METTL18: variants seen among roughly 807,000 people sequenced by gnomAD.
The protein encoded by METTL18 is methyltransferase 18, RPL3 N3(tau)-histidine, also known as histidine protein methyltransferase 1 homolog.
METTL18 carries 15 observed loss-of-function variants against 19.6 expected under a neutral mutation model. The ratio of observed to expected loss-of-function variants is 0.77; its 90% CI spans 0.51 to 1.18. The LOEUF (loss-of-function observed/expected upper bound fraction) is 1.18. METTL18 is among the 50% of genes most tolerant of loss of function. The pLI, the probability that METTL18 is intolerant of heterozygous loss-of-function variation, is 0.00. For synonymous variants in METTL18, 131 were observed against 145.2 expected (o/e 0.90, Z 0.70); for missense variants, 392 against 418.8 (o/e 0.94, Z 0.56).
Position 169,792,543 on chromosome 1 carries a change from G to A in METTL18, c.*34C>T, listed in dbSNP as rs890038210. The A allele has an allele frequency of 4.1e-6, 6 of 1,472,190 alleles. No individual in the cohort carries two copies. Among genetic ancestry groups the A allele is most frequent in the South Asian group, 1.5e-5 (1 of 66,082 alleles). 91.2% of individuals were successfully genotyped at this position (1,472,190 alleles called of 1,614,324 possible). A position where few individuals can be genotyped will look rare whatever the true frequency, so the allele number is the denominator to read the frequency against. ...AAACACTCAAATTTTTGGTCCTTCTGTTTATTTCATTTTGGATACTCAGTG... is the reference window on the plus strand; with the variant it reads ...AAACACTCAAATTTTTGGTCCTTCTATTTATTTCATTTTGGATACTCAGTG... On this transcript the variant is annotated 3_prime_UTR_variant, in exon 2 of 2. Transcript: ENST00000310392.
Position 169,792,748 on chromosome 1 carries a change from A to C in METTL18, c.948T>G (p.Asn316Lys). The C allele has an allele frequency of 6.2e-7, 1 of 1,613,790 alleles. No individual in the cohort carries two copies. Among genetic ancestry groups the C allele is most frequent in the Non-Finnish European group, 8.5e-7 (1 of 1,179,924 alleles). ...HQTFLRLLSK[N>K]GRVLLASKAH... ...CTTTGCTGGCCAAAAGTACACGTCC[A>C]TTTTTACTTAACAGTCTAAGGAAAG... The change falls in exon 2 of 2, where the codon AAT (asparagine) becomes AAG (lysine). Residue 316 changes from asparagine (N) to lysine (K), a missense_variant. Physicochemically the swap from Asn to Lys is moderately conservative, Grantham distance 94. Transcript: ENST00000310392.
Position 169,793,638 on chromosome 1 carries a change from T to A in METTL18, c.58A>T (p.Ile20Phe), listed in dbSNP as rs749673109. The A allele has an allele frequency of 1.2e-6, 2 of 1,614,032 alleles. No individual in the cohort carries two copies. Among genetic ancestry groups the A allele is most frequent in the Admixed American group, 3.3e-5 (2 of 59,976 alleles). Residue 20 changes from isoleucine (I) to phenylalanine (F), a missense_variant, in exon 2 of 2, where the codon ATT becomes TTT. Coordinates refer to ENST00000310392, the MANE Select transcript of METTL18 (RefSeq NM_033418.4). The part of the protein sequence containing the change: ...EDHLENELTP[I>F]RDGALTLDSS... The stretch of plus-strand genomic sequence containing the variant: ...TCCAGGGTCAAAGCTCCATCTCTAA[T>A]GGGTGTTAATTCATTTTCCAGATGG...
Position 169,793,591 on chromosome 1 carries a change from G to A in METTL18, c.105C>T (p.Val35=). 3 of 1,614,174 alleles carry A rather than the reference G, an allele frequency of 1.9e-6. No homozygotes were observed. The South Asian group carries it at 3.3e-5, about 18-fold the overall frequency. Residue 35 remains valine (V), a synonymous_variant, in exon 2 of 2, where the codon GTC becomes GTT. Coordinates refer to ENST00000310392, the MANE Select transcript of METTL18 (RefSeq NM_033418.4). Reference sequence around the variant, plus strand: ...TCTCTTCTCCTTTTTGACTTTCTGAGACTGACAGCTCTTTTGAGGAATCCA... The same window carrying A: ...TCTCTTCTCCTTTTTGACTTTCTGAAACTGACAGCTCTTTTGAGGAATCCA... The part of the protein sequence containing the change: ...LTLDSSKELS[V]SESQKGEERD...
Position 169,794,858 on chromosome 1 carries a change from G to T in METTL18, c.-246C>A. The T allele has an allele frequency of 2.0e-6, 1 of 503,010 alleles. No homozygotes were observed. 31.2% of individuals were successfully genotyped at this position (503,010 alleles called of 1,614,324 possible). On this transcript the variant is annotated 5_prime_UTR_variant, in exon 1 of 2. Coordinates refer to ENST00000310392, the MANE Select transcript of METTL18 (RefSeq NM_033418.4). ...CGACGTGTCCTGGGATCGCGCTTCT[G>T]AAAAAGCTCACCTCACAACGCCTCC...
chr1:169,792,824 A>G lies in METTL18; in HGVS notation c.872T>C (p.Leu291Pro). ...TGGGTTGTAAATGGTTTCTGAGGTG[A>G]GAATGAGATCATATTTTACAAAAAG... is the stretch of plus-strand genomic sequence containing the variant. ...EKLFVKYDLI[L>P]TSETIYNPDY... The change falls in exon 2 of 2, where the codon CTC (leucine) becomes CCC (proline). Residue 291 changes from leucine (L) to proline (P), a missense_variant. Transcript: ENST00000310392. The G allele has an allele frequency of 6.2e-7, 1 of 1,613,834 alleles. No homozygotes were observed. Among genetic ancestry groups the G allele is most frequent in the Non-Finnish European group, 8.5e-7 (1 of 1,179,918 alleles).
Position 169,794,318 on chromosome 1 carries a change from C to T in METTL18, c.-202-421G>A, listed in dbSNP as rs200399464. Among the ~76,000 whole-genome samples the T allele has an allele frequency of 1.3e-4, 20 of 152,304 alleles. No homozygotes were observed. The East Asian group carries it at 3.1e-3, about 24-fold the overall frequency. ...GGTGCAGTATTTTATTTTGGTAAGT[C>T]AGCGTCCCTTTAAAAACATGCATAG... On this transcript the variant is annotated intron_variant, in intron 1 of 1. Transcript: ENST00000310392.
In METTL18 at chr1:169,793,670, A is replaced by G; in HGVS notation, c.26T>C (p.Ile9Thr). The G allele has an allele frequency of 6.3e-7, 1 of 1,597,066 alleles. No individual in the cohort carries two copies. The highest frequency in any genetic ancestry group is 8.5e-7 in the Non-Finnish European group (1 of 1,172,378). Residue 9 changes from isoleucine (I) to threonine (T), a missense_variant, in exon 2 of 2, where the codon ATA (isoleucine) becomes ACA (threonine). Ile to Thr is a moderately conservative substitution (Grantham distance 89). Coordinates refer to ENST00000310392, the MANE Select transcript of METTL18 (RefSeq NM_033418.4). MTFQFNFT[I>T]EDHLENELTP... The stretch of plus-strand genomic sequence containing the variant: ...TAATTCATTTTCCAGATGGTCTTCT[A>G]TAGTGAAATTAAACTGAAAGGTCAT...
At position 169,793,861 on chromosome 1, in the gene METTL18, A is replaced by G; in HGVS notation, c.-166T>C. The G allele has an allele frequency of 1.9e-6, 1 of 518,466 alleles. No individual in the cohort carries two copies. Among genetic ancestry groups the G allele is most frequent in the South Asian group, 5.6e-5 (1 of 17,844 alleles). The allele number at this position is 518,466 out of a possible 1,614,324, so 32.1% of individuals were successfully genotyped here. On this transcript the variant is annotated 5_prime_UTR_variant, in exon 2 of 2. Coordinates refer to ENST00000310392, the MANE Select transcript of METTL18 (RefSeq NM_033418.4). ...AAATATTTAGAGATATTTCCAAATGACTTTTTAGACGTCTTTGGTCCTCTT... is the reference window on the plus strand; with the variant it reads ...AAATATTTAGAGATATTTCCAAATGGCTTTTTAGACGTCTTTGGTCCTCTT...
rs1205820179 is a variant in METTL18, at chr1:169,794,845, G to C, written c.-233C>G. ...GATGCTTGCTTCCCGACGTGTCCTGGGATCGCGCTTCTGAAAAAGCTCACC... is the reference window on the plus strand; with the variant it reads ...GATGCTTGCTTCCCGACGTGTCCTGCGATCGCGCTTCTGAAAAAGCTCACC... On this transcript the variant is annotated 5_prime_UTR_variant, in exon 1 of 2. Coordinates refer to ENST00000310392, the MANE Select transcript of METTL18 (RefSeq NM_033418.4). 1 of 483,166 alleles carries C rather than the reference G, an allele frequency of 2.1e-6. No individual in the cohort carries two copies. Among genetic ancestry groups the C allele is most frequent in the East Asian group, 3.7e-5 (1 of 27,272 alleles). The allele number at this position is 483,166 out of a possible 1,614,324, so 29.9% of individuals were successfully genotyped here. A position where few individuals can be genotyped will look rare whatever the true frequency, so the allele number is the denominator to read the frequency against.
chr1:169,793,746 A>T lies in METTL18; in HGVS notation c.-51T>A. The T allele has an allele frequency of 1.4e-6, 2 of 1,481,376 alleles. No homozygotes were observed. Among genetic ancestry groups the T allele is most frequent in the Non-Finnish European group, 1.8e-6 (2 of 1,102,938 alleles). 91.8% of individuals were successfully genotyped at this position (1,481,376 alleles called of 1,614,324 possible). On this transcript the variant is annotated 5_prime_UTR_variant, in exon 2 of 2. Coordinates refer to ENST00000310392, the MANE Select transcript of METTL18 (RefSeq NM_033418.4). ...TAAATTCAGATTCTTCAACTTCTGG[A>T]TAGAATTTGATGATACACACAAATC...
At chr1:169,794,380 A>C (rs1650330898) in intron 1 of METTL18, among the ~76,000 whole-genome samples, 1 of 152,088 alleles carries the variant, frequency 6.6e-6, no homozygotes, top group Admixed American at 6.5e-5. Context: ...CCAAGACTTC[A>C]CTCCAAACAT....
chr1:169,792,684 G>A lies in METTL18; in HGVS notation c.1012C>T (p.Gln338Ter). Residue 338 changes from glutamine (Q) to a stop codon, truncating the protein, a stop_gained, in exon 2 of 2, where the codon CAG becomes TAG. Transcript: ENST00000310392. LOFTEE classifies it high-confidence loss of function. ...FGVGGGVHLF[Q>*]KFVEERDVFK... is the part of the protein sequence containing the mutation. ...ACATCTCTTTCTTCTACAAACTTCT[G>A]AAAGAGATGAACACCTCCACCTACA... 5 of 1,611,552 alleles carry A rather than the reference G, an allele frequency of 3.1e-6. No individual in the cohort carries two copies. The highest frequency in any genetic ancestry group is 4.2e-6 in the Non-Finnish European group (5 of 1,179,158).
Position 169,792,888 on chromosome 1 carries a change from A to T in METTL18, c.808T>A (p.Trp270Arg), listed in dbSNP as rs1385738691. The T allele has an allele frequency of 6.2e-7, 1 of 1,614,064 alleles. No individual in the cohort carries two copies. Among genetic ancestry groups the T allele is most frequent in the South Asian group, 1.1e-5 (1 of 91,074 alleles). The stretch of plus-strand genomic sequence containing the variant: ...AGTACAAGCTTACAAAACTCAGACC[A>T]CTCACCAGAAAAAAATCGGCATTTA... ...LYKCRFFSGEWSEFCKLVLSS... is the reference protein window; with the variant it reads ...LYKCRFFSGERSEFCKLVLSS... The change falls in exon 2 of 2, where the codon TGG becomes AGG. Residue 270 changes from tryptophan (W) to arginine (R), a missense_variant. Physicochemically the swap from Trp to Arg is moderately radical, Grantham distance 101 (BLOSUM62 -3). Coordinates refer to ENST00000310392, the MANE Select transcript of METTL18 (RefSeq NM_033418.4).
Position 169,792,779 on chromosome 1 carries a change from T to C in METTL18, c.917A>G (p.His306Arg). ...IYNPDYYSNL[H>R]QTFLRLLSKN... ...ACTTAACAGTCTAAGGAAAGTCTGG[T>C]GCAAATTACTATAATAATCTGGGTT... Residue 306 changes from histidine (H) to arginine (R), a missense_variant, in exon 2 of 2, where the codon CAC becomes CGC. By Grantham distance (29) the His-to-Arg change is conservative. Coordinates refer to ENST00000310392, the MANE Select transcript of METTL18 (RefSeq NM_033418.4). 1 of 1,612,952 alleles carries C rather than the reference T, an allele frequency of 6.2e-7. No homozygotes were observed. Among genetic ancestry groups the C allele is most frequent in the South Asian group, 1.1e-5 (1 of 90,596 alleles).
Position 169,792,728 on chromosome 1 carries a change from C to T in METTL18, c.968G>A (p.Ser323Asn). 2 of 1,613,826 alleles carry T rather than the reference C, an allele frequency of 1.2e-6. No homozygotes were observed. Among genetic ancestry groups the T allele is most frequent in the Non-Finnish European group, 1.7e-6 (2 of 1,179,954 alleles). The change falls in exon 2 of 2, where the codon AGC (serine) becomes AAC (asparagine). Residue 323 changes from serine to asparagine, a missense_variant. Physicochemically the swap from Ser to Asn is conservative, Grantham distance 46 (BLOSUM62 1). Transcript: ENST00000310392. ...LSKNGRVLLA[S>N]KAHYFGVGGG... is the part of the protein sequence containing the mutation. ...ACCTACACCAAAATAATGTGCTTTG[C>T]TGGCCAAAAGTACACGTCCATTTTT... is the stretch of plus-strand genomic sequence containing the variant.
At position 169,792,592 on chromosome 1, in the gene METTL18, A is replaced by G; in HGVS notation, c.1104T>C (p.Phe368=). The G allele has an allele frequency of 6.5e-7, 1 of 1,548,204 alleles. No individual in the cohort carries two copies. The highest frequency in any genetic ancestry group is 1.4e-5 in the African/African-American group (1 of 72,270). Residue 368 remains phenylalanine (F), a synonymous_variant, in exon 2 of 2, where the codon TTT becomes TTC. Coordinates refer to ENST00000310392, the MANE Select transcript of METTL18 (RefSeq NM_033418.4). ...GLKRFIIEIT[F]KFPG Reference sequence around the variant, plus strand: ...TGAATGTTAATTAACCAGGAAACTTAAAAGTTATTTCAATTATGAACCTCT... The same window carrying G: ...TGAATGTTAATTAACCAGGAAACTTGAAAGTTATTTCAATTATGAACCTCT...
rs769589590 is a variant in METTL18, at chr1:169,793,210, A to G, written c.486T>C (p.Tyr162=). The change falls in exon 2 of 2, where the codon TAT becomes TAC. Residue 162 remains tyrosine (Y), a synonymous_variant. Transcript: ENST00000310392. ...SSHSDLITGV[Y]EGGLKIWECT... is the part of the protein sequence containing the mutation. ...ATTCCCAGATTTTTAAGCCTCCCTC[A>G]TAAACACCTGTAATCAGATCAGAGT... The G allele has an allele frequency of 6.2e-7, 1 of 1,614,206 alleles. No homozygotes were observed. Among genetic ancestry groups the G allele is most frequent in the East Asian group, 2.2e-5 (1 of 44,876 alleles).
At chr1:169,794,181 T>C (rs1224407255) in intron 1 of METTL18, among the ~76,000 whole-genome samples, 1 of 152,202 alleles carries the variant, frequency 6.6e-6, no homozygotes, top group Non-Finnish European at 1.5e-5. Context: ...GTCCAAGATA[T>C]TCAGACAGGA....
At position 169,793,733 on chromosome 1, in the gene METTL18, C is replaced by A; in HGVS notation, c.-38G>T. The A allele has an allele frequency of 6.6e-7, 1 of 1,517,458 alleles. No individual in the cohort carries two copies. The highest frequency in any genetic ancestry group is 8.8e-7 in the Non-Finnish European group (1 of 1,131,428). The allele number at this position is 1,517,458 out of a possible 1,614,324, so 94.0% of individuals were successfully genotyped here. A position where few individuals can be genotyped will look rare whatever the true frequency, so the allele number is the denominator to read the frequency against. ...TGCACACAATCTTTAAATTCAGATT[C>A]TTCAACTTCTGGATAGAATTTGATG... On this transcript the variant is annotated 5_prime_UTR_variant, in exon 2 of 2. Transcript: ENST00000310392.
Sources: gnomAD v4.1 joint callset for allele counts (sites outside exome capture counted in the v4.1 genomes callset) on GRCh38, gnomAD v4.1.1 for gene constraint, MANE v1.5 for transcripts, NCBI Gene and HGNC (gene_info 2026-07-23, HGNC 2026-07-21) for gene names.